Variants in MAML2 observed in about 807,000 individuals in gnomAD.
MAML2 encodes mastermind-like protein 2.
In MAML2, 22 loss-of-function variants were observed where a neutral mutation model predicts 96.1. The observed-to-expected ratio is 0.23, with a 90% CI of 0.16 to 0.33. The LOEUF (loss-of-function observed/expected upper bound fraction) is 0.33, where lower values mean the gene tolerates loss of function less well. Among genes scored for constraint, MAML2 ranks in the 10% least tolerant of loss-of-function variants. The pLI is 1.00. For missense variants in MAML2, 1,367 were observed against 1,392.4 expected (o/e 0.98, Z 0.29); for synonymous variants, 561 against 521.3 (o/e 1.08, Z -1.04).
intron 1 of MAML2, among the ~76,000 whole-genome samples, chr11:96,183,466 C>G (rs886159482): frequency 7.1e-5 from 10 of 141,840 alleles, no homozygotes; most frequent in African/African-American, 2.3e-4. Flanking sequence ...GGCACAATCA[C>G]AGCTCACTGC....
chr11:96,296,977 T>C (rs1291996368), intron 1 of MAML2, among the ~76,000 whole-genome samples: 2 of 152,216 alleles, frequency 1.3e-5, no homozygotes, highest in Non-Finnish European at 2.9e-5. Flanking sequence ...CTTACTGTGG[T>C]GCCCAGCCAA....
At chr11:96,236,465 C>A (rs1240721791) in intron 1 of MAML2, among the ~76,000 whole-genome samples, 1 of 152,138 alleles carries the variant, frequency 6.6e-6, no homozygotes, top group Non-Finnish European at 1.5e-5. Context: ...TTCCCACATT[C>A]TTTCTGCCTG....
chr11:96,054,569 T>A (rs1859033481), intron 2 of MAML2, among the ~76,000 whole-genome samples: 1 of 152,202 alleles, frequency 6.6e-6, no homozygotes, highest in Admixed American at 6.5e-5. Context: ...CAATTCTATT[T>A]AAAAGGGTCC....
intron 1 of MAML2, among the ~76,000 whole-genome samples, chr11:96,202,100 G>A (rs1204345063): frequency 2.7e-5 from 4 of 147,106 alleles, no homozygotes; most frequent in Admixed American, 1.4e-4. Context: ...TTGGGAGGCC[G>A]AGGCAGGCGC....
chr11:95,986,003 A>C (rs538301561), intron 3 of MAML2, among the ~76,000 whole-genome samples: 35 of 152,306 alleles, frequency 2.3e-4, no homozygotes, highest in African/African-American at 7.9e-4. Flanking sequence ...GTCACTGTGC[A>C]ACCTCCAAAA....
At chr11:96,272,179 C>G (rs758619169) in intron 1 of MAML2, among the ~76,000 whole-genome samples, 1 of 152,080 alleles carries the variant, frequency 6.6e-6, no homozygotes, top group Non-Finnish European at 1.5e-5. Context: ...ATGCATTGTA[C>G]TTGTGTTGTG....
intron 1 of MAML2, among the ~76,000 whole-genome samples, chr11:96,256,333 C>G (rs1443199024): frequency 6.6e-6 from 1 of 152,130 alleles, no homozygotes; most frequent in Non-Finnish European, 1.5e-5. Context: ...CTGTTTCTCT[C>G]TTTCTTTTGC....
Position 96,093,282 on chromosome 11 carries a change from G to T in MAML2, c.749C>A (p.Thr250Lys). The T allele has an allele frequency of 6.2e-7, 1 of 1,614,076 alleles. No individual in the cohort carries two copies. The highest frequency in any genetic ancestry group is 8.5e-7 in the Non-Finnish European group (1 of 1,179,904). ...AAACAGGCCATTGCCAGGAGAATGT[G>T]TATGGGATGGCAGAGTGTTAGTCTT... Reference protein sequence around the residue: ...LRKTNTLPSHTHSPGNGLFNM... With the variant: ...LRKTNTLPSHKHSPGNGLFNM... Residue 250 changes from threonine to lysine, a missense_variant, in exon 2 of 5, where the codon ACA becomes AAA. Physicochemically the swap from Thr to Lys is moderately conservative, Grantham distance 78 (BLOSUM62 -1). Coordinates refer to ENST00000524717, the MANE Select transcript of MAML2 (RefSeq NM_032427.4).
At chr11:96,259,941 A>AT (rs5793794) in intron 1 of MAML2, among the ~76,000 whole-genome samples, 2,805 of 143,060 alleles carry the variant, frequency 0.02, 67 homozygotes, top group African/African-American at 0.056. Flanking sequence ...CTGACTTGTG[A>AT]TTTTTTTTTT....
intron 1 of MAML2, among the ~76,000 whole-genome samples, chr11:96,302,135 G>T (rs2135998941): frequency 6.6e-6 from 1 of 152,096 alleles, no homozygotes; most frequent in East Asian, 1.9e-4. Flanking sequence ...AAATATTTCT[G>T]CTTAATTTAG....
chr11:96,128,395 C>A (rs1436415429), intron 1 of MAML2, among the ~76,000 whole-genome samples: 1 of 151,636 alleles, frequency 6.6e-6, no homozygotes, highest in Non-Finnish European at 1.5e-5. Flanking sequence ...GAGGCTCAGT[C>A]TCGGGAAAAA....
intron 2 of MAML2, among the ~76,000 whole-genome samples, chr11:96,028,645 T>A (rs1858563168): frequency 6.6e-6 from 1 of 152,170 alleles, no homozygotes; most frequent in Non-Finnish European, 1.5e-5. Context: ...TTGATAACTT[T>A]TTTTCTTCTA....
chr11:96,069,101 AT>A (rs923743045), intron 2 of MAML2, among the ~76,000 whole-genome samples: 12 of 151,336 alleles, frequency 7.9e-5, no homozygotes, highest in Middle Eastern at 3.2e-3. Context: ...CTAGTTTTTA[AT>A]TTTTTTGTAG....
intron 1 of MAML2, among the ~76,000 whole-genome samples, chr11:96,126,380 A>G (rs1860437666): frequency 1.3e-5 from 2 of 152,200 alleles, no homozygotes; most frequent in African/African-American, 4.8e-5. Flanking sequence ...CAATATGGTG[A>G]AACCCTGTCT....
At chr11:96,206,618 A>G (rs2135935070) in intron 1 of MAML2, among the ~76,000 whole-genome samples, 1 of 152,294 alleles carries the variant, frequency 6.6e-6, no homozygotes, top group South Asian at 2.1e-4. Flanking sequence ...AAATTGCCAG[A>G]ATGGCTGCCA....
Position 96,341,739 on chromosome 11 carries a change from T to C in MAML2, c.157A>G (p.Ser53Gly), listed in dbSNP as rs1863998202. Reference protein sequence around the residue: ...RIAVCRQHHLSCEGRYERGRA... With the variant: ...RIAVCRQHHLGCEGRYERGRA... Reference sequence around the variant, plus strand: ...CCTCGTTCATATCGTCCTTCACAGCTCAGGTGGTGTTGGCGGCAGACAGCG... The same window carrying C: ...CCTCGTTCATATCGTCCTTCACAGCCCAGGTGGTGTTGGCGGCAGACAGCG... The change falls in exon 1 of 5, where the codon AGC (serine) becomes GGC (glycine). Residue 53 changes from serine to glycine, a missense_variant. By Grantham distance (56) the Ser-to-Gly change is moderately conservative (BLOSUM62 0). Coordinates refer to ENST00000524717, the MANE Select transcript of MAML2 (RefSeq NM_032427.4). The C allele has an allele frequency of 1.2e-6, 2 of 1,613,100 alleles. No homozygotes were observed. The highest frequency in any genetic ancestry group is 1.7e-6 in the Non-Finnish European group (2 of 1,179,686).
chr11:96,276,111 T>C (rs1035421380), intron 1 of MAML2, among the ~76,000 whole-genome samples: 6 of 152,224 alleles, frequency 3.9e-5, no homozygotes, highest in Non-Finnish European at 8.8e-5. Context: ...GTACAGAATC[T>C]ATAATTCTCA....
chr11:96,201,609 A>G (rs902811807), intron 1 of MAML2, among the ~76,000 whole-genome samples: 3 of 152,220 alleles, frequency 2.0e-5, no homozygotes, highest in South Asian at 2.1e-4. Flanking sequence ...ATGAAGACCT[A>G]AGAAAAGGAT....
intron 1 of MAML2, among the ~76,000 whole-genome samples, chr11:96,225,615 T>C (rs1169892247): frequency 6.6e-6 from 1 of 152,148 alleles, no homozygotes; most frequent in East Asian, 1.9e-4. Context: ...GTGGATCATT[T>C]GAGGTCACAA....
Sources: allele counts gnomAD v4.1 joint callset (sites outside exome capture counted in the v4.1 genomes callset), GRCh38; gene constraint gnomAD v4.1.1; transcripts MANE v1.5; gene names NCBI Gene and HGNC (gene_info 2026-07-23, HGNC 2026-07-21).